Variants in CACNA2D3 observed in about 807,000 individuals in gnomAD.
CACNA2D3 encodes voltage-dependent calcium channel subunit alpha-2/delta-3.
CACNA2D3 carries 60 observed loss-of-function variants against 160.6 expected under a neutral mutation model. The observed-to-expected ratio is 0.37, with a 90% confidence interval of 0.30 to 0.46. CACNA2D3 has a LOEUF of 0.46. Among genes scored for constraint, CACNA2D3 ranks in the 20% least tolerant of loss-of-function variants. The pLI is 1.00. For missense variants in CACNA2D3, 1,205 were observed against 1,365.0 expected, an observed-to-expected ratio of 0.88 and a Z score of 1.85; for synonymous variants, 558 against 492.9, an observed-to-expected ratio of 1.13 and a Z score of -1.75.
At chr3:54,464,980 A>G (rs1700593317) in intron 4 of CACNA2D3, among the ~76,000 whole-genome samples, 1 of 152,050 alleles carries the variant, frequency 6.6e-6, no homozygotes, top group South Asian at 2.1e-4. Flanking sequence ...CATAATGTGA[A>G]CATTTGTTCA....
intron 2 of CACNA2D3, among the ~76,000 whole-genome samples, chr3:54,264,539 G>A (rs906302920): frequency 6.6e-6 from 1 of 152,130 alleles, no homozygotes; most frequent in African/African-American, 2.4e-5. Flanking sequence ...GAGGTTTAAT[G>A]TCTCACTCGT....
chr3:54,677,205 A>G (rs907384410), intron 11 of CACNA2D3, among the ~76,000 whole-genome samples: 1 of 152,204 alleles, frequency 6.6e-6, no homozygotes, highest in African/African-American at 2.4e-5. Flanking sequence ...ACTTGGTACC[A>G]TGAGTCTTAT....
intron 9 of CACNA2D3, among the ~76,000 whole-genome samples, chr3:54,617,606 A>C (rs1180782008): frequency 6.6e-6 from 1 of 152,248 alleles, no homozygotes; most frequent in African/African-American, 2.4e-5. Flanking sequence ...CAGGGCACTC[A>C]ATTTTAAATA....
At chr3:54,217,384 TA>T (rs1269295620) in intron 2 of CACNA2D3, among the ~76,000 whole-genome samples, 1 of 152,110 alleles carries the variant, frequency 6.6e-6, no homozygotes, top group Non-Finnish European at 1.5e-5. Context: ...ATGGACACCA[TA>T]GTAGGCTGGA....
chr3:54,904,232 G>A (rs1334448389), intron 27 of CACNA2D3, among the ~76,000 whole-genome samples: 1 of 152,170 alleles, frequency 6.6e-6, no homozygotes, highest in Admixed American at 6.5e-5. Context: ...TGATCGTGGT[G>A]GTGATTCTTT....
intron 32 of CACNA2D3, among the ~76,000 whole-genome samples, 165 bp from the exon 33 acceptor site, chr3:55,007,625 A>G (rs1703125350): frequency 6.6e-6 from 1 of 152,206 alleles, no homozygotes; most frequent in African/African-American, 2.4e-5. Context: ...TTGTTTTAGG[A>G]TACAGTATCC....
intron 29 of CACNA2D3, among the ~76,000 whole-genome samples, chr3:54,970,078 A>G (rs1196059076): frequency 6.6e-6 from 1 of 152,038 alleles, no homozygotes; most frequent in African/African-American, 2.4e-5. Flanking sequence ...GGATAGCACT[A>G]TTGGAATTTT....
At chr3:54,443,768 A>C (rs1297905358) in intron 4 of CACNA2D3, among the ~76,000 whole-genome samples, 1 of 152,098 alleles carries the variant, frequency 6.6e-6, no homozygotes, top group Non-Finnish European at 1.5e-5. Context: ...CAGATAGAAA[A>C]ACTTGGGAAG....
intron 2 of CACNA2D3, among the ~76,000 whole-genome samples, chr3:54,280,192 C>T (rs1418836510): frequency 1.3e-5 from 2 of 152,096 alleles, no homozygotes; most frequent in Admixed American, 6.6e-5. Flanking sequence ...CGCCATTCTC[C>T]TGCCTCAGCC....
At chr3:54,739,629 T>A (rs1010881564) in intron 11 of CACNA2D3, among the ~76,000 whole-genome samples, 3 of 152,012 alleles carry the variant, frequency 2.0e-5, no homozygotes, top group African/African-American at 4.8e-5. Context: ...ATCCTCCTTA[T>A]CAACTGGAGC....
chr3:54,944,814 GGTGTGTGTGTGTGT>G (rs34193625), intron 27 of CACNA2D3, among the ~76,000 whole-genome samples: 7 of 111,362 alleles, frequency 6.3e-5, no homozygotes, highest in Non-Finnish European at 9.1e-5. Flanking sequence ...TAGAGCTGGG[GGTGTGTGTGTGTGT>G]GTGTGTGTGT....
intron 11 of CACNA2D3, among the ~76,000 whole-genome samples, chr3:54,687,845 T>C (rs1182092224): frequency 2.0e-5 from 3 of 152,218 alleles, no homozygotes; most frequent in African/African-American, 7.2e-5. Flanking sequence ...GTGTTAGATA[T>C]ATGCTGTCAC....
chr3:54,463,132 C>A (rs1304229165), intron 4 of CACNA2D3, among the ~76,000 whole-genome samples: 1 of 151,826 alleles, frequency 6.6e-6, no homozygotes, highest in African/African-American at 2.4e-5. Flanking sequence ...GTAGAGTTTC[C>A]GCCGAGAGAT....
In CACNA2D3 at chr3:54,901,264, G is replaced by GAAATT; in HGVS notation, c.2449+1396_2449+1397insAAATT. 1.3e-5 allele frequency: 2 copies of GAAATT among 152,360 alleles called. 1 individual carries two copies. The highest frequency in any genetic ancestry group is 3.9e-4 in the East Asian group (2 of 5,188). The allele number at this position is 152,360 out of a possible 1,614,324, so 9.4% of individuals were successfully genotyped here. On this transcript the variant is annotated intron_variant, in intron 27 of 37. Transcript: ENST00000474759. ...CATGGTCTGGCCAGAATATCTGGTTGTCTGTTTGAAATTTCTTTTTAAAAC... is the reference window on the plus strand; with the variant it reads ...CATGGTCTGGCCAGAATATCTGGTTGAAATTTCTGTTTGAAATTTCTTTTTAAAAC...
intron 27 of CACNA2D3, among the ~76,000 whole-genome samples, chr3:54,956,592 G>A (rs1357363523): frequency 6.6e-6 from 1 of 152,020 alleles, no homozygotes; most frequent in Non-Finnish European, 1.5e-5. Flanking sequence ...CTGGTCTTAG[G>A]CTGTCATAAA....
At chr3:54,489,748 T>C (rs1336838372) in intron 4 of CACNA2D3, among the ~76,000 whole-genome samples, 1 of 152,224 alleles carries the variant, frequency 6.6e-6, no homozygotes, top group African/African-American at 2.4e-5. Context: ...CATAAGTGGC[T>C]TGTTAAGTAG....
Position 54,146,109 on chromosome 3 carries a change from G to T in CACNA2D3, c.204+22515G>T, listed in dbSNP as rs181228307. On this transcript the variant is annotated intron_variant, in intron 2 of 37. Transcript: ENST00000474759. ...TCTTTTTTCCTGGTTCTCTGTTCGGGATGGGGCAGCCCTCTTCCCTGCTAT... is the reference window on the plus strand; with the variant it reads ...TCTTTTTTCCTGGTTCTCTGTTCGGTATGGGGCAGCCCTCTTCCCTGCTAT... Among the ~76,000 whole-genome samples the T allele has an allele frequency of 1.1e-4, 17 of 152,212 alleles. 1 individual carries two copies. The East Asian group carries it at 3.1e-3, about 28-fold the overall frequency.
Position 55,009,377 on chromosome 3 carries a change from G to T in CACNA2D3, c.2820-11G>T, listed in dbSNP as rs374036089. 6.2e-7 allele frequency: 1 copy of T among 1,613,340 alleles called. No individual in the cohort carries two copies. The highest frequency in any genetic ancestry group is 8.5e-7 in the Non-Finnish European group (1 of 1,179,360). ...ACGAAGTAACATTGGGCTTTTCCAC[G>T]ATCTGTTTAGGTTCCTGGTGGAATT... On this transcript the variant is annotated splice_polypyrimidine_tract_variant and intron_variant, in intron 33 of 37. Transcript: ENST00000474759.
intron 4 of CACNA2D3, among the ~76,000 whole-genome samples, chr3:54,447,268 G>A (rs1700238323): frequency 6.6e-6 from 1 of 152,274 alleles, no homozygotes; most frequent in Middle Eastern, 3.4e-3. Flanking sequence ...AAGTATTAAC[G>A]ATGAATTTGT....
Sources: allele counts gnomAD v4.1 joint callset (sites outside exome capture counted in the v4.1 genomes callset), GRCh38; gene constraint gnomAD v4.1.1; transcripts MANE v1.5; gene names NCBI Gene and HGNC (gene_info 2026-07-23, HGNC 2026-07-21).